HEXB: variants seen among roughly 807,000 people sequenced by gnomAD.
The protein encoded by HEXB is beta-hexosaminidase subunit beta.
HEXB carries 51 observed loss-of-function variants against 71.2 expected under a neutral mutation model. The ratio of observed to expected loss-of-function variants is 0.72; its 90% CI spans 0.57 to 0.90. HEXB has a LOEUF of 0.90. Among genes scored for constraint, HEXB ranks in the 40% least tolerant of loss-of-function variants. The pLI is 0.00. For synonymous variants in HEXB, 266 were observed against 249.3 expected (o/e 1.07, Z -0.63); for missense variants, 617 against 677.0 (o/e 0.91, Z 0.98).
intron 7 of HEXB, 126 bp downstream of exon 7, chr5:74,713,761 T>G (rs953385676): frequency 8.0e-6 from 6 of 754,050 alleles, no homozygotes; most frequent in African/African-American, 1.7e-5. Flanking sequence ...CCTCCCAGGA[T>G]CAAGCGATTC....
chr5:74,720,591 G>T, intron 12 of HEXB, 52 bp from the exon 13 acceptor site: 1 of 1,598,894 alleles, frequency 6.3e-7, no homozygotes, highest in Non-Finnish European at 8.6e-7. Flanking sequence ...ACACAAAAGT[G>T]CTAAACATAA....
intron 1 of HEXB, among the ~76,000 whole-genome samples, chr5:74,679,821 A>AG (rs1040512947): frequency 2.3e-5 from 3 of 127,838 alleles, no homozygotes; most frequent in African/African-American, 7.8e-5. Flanking sequence ...AAAAAAAAAA[A>AG]AAAAGTATGG....
chr5:74,682,107 C>T (rs1748748384), upstream of HEXB, among the ~76,000 whole-genome samples: 1 of 152,330 alleles, frequency 6.6e-6, no homozygotes, highest in South Asian at 2.1e-4. Flanking sequence ...GCCTGCAATC[C>T]CAGCACTTTG....
intron 1 of HEXB, among the ~76,000 whole-genome samples, chr5:74,674,039 A>G (rs1247842090): frequency 1.3e-5 from 2 of 152,166 alleles, no homozygotes; most frequent in Non-Finnish European, 2.9e-5. Flanking sequence ...TGGAGTTGGC[A>G]TTCAGAAGCA....
intron 2 of HEXB, among the ~76,000 whole-genome samples, chr5:74,691,799 T>C (rs1017470848): frequency 8.5e-5 from 13 of 152,350 alleles, no homozygotes; most frequent in Admixed American, 6.5e-5. Context: ...ATGTCATTTG[T>C]ATATTCACCC....
At position 74,718,356 on chromosome 5, in the gene HEXB, A is replaced by G; in HGVS notation, c.1235A>G (p.Lys412Arg). ...SIVWQEVFDD[K>R]AKLAPGTIVE... is the part of the protein sequence containing the mutation. The stretch of plus-strand genomic sequence containing the variant: ...GTCTGGCAGGAGGTTTTTGATGATA[A>G]AGCAAAGGTGAGCATTGTGAAGACT... Residue 412 changes from lysine (K) to arginine (R), a missense_variant, in exon 10 of 14, where the codon AAA becomes AGA. Coordinates refer to ENST00000261416, the MANE Select transcript of HEXB (RefSeq NM_000521.4). The G allele has an allele frequency of 6.2e-7, 1 of 1,607,858 alleles. No individual in the cohort carries two copies. The highest frequency in any genetic ancestry group is 8.5e-7 in the Non-Finnish European group (1 of 1,174,332).
chr5:74,661,284 AGAACGAGAATGGG>A (rs1186841437), intron 1 of HEXB, among the ~76,000 whole-genome samples: 1 of 152,226 alleles, frequency 6.6e-6, no homozygotes, highest in Non-Finnish European at 1.5e-5. Flanking sequence ...CCTCTGACTG[AGAACGAGAATGGG>A]GTGAAATCAA....
At chr5:74,667,982 T>C (rs1748463927) in intron 1 of HEXB, among the ~76,000 whole-genome samples, 1 of 151,896 alleles carries the variant, frequency 6.6e-6, no homozygotes, top group Non-Finnish European at 1.5e-5. Context: ...CCACAAGGAG[T>C]AAGACTGGGA....
At chr5:74,676,755 A>T (rs1333984046) in intron 1 of HEXB, among the ~76,000 whole-genome samples, 1 of 152,038 alleles carries the variant, frequency 6.6e-6, no homozygotes, top group Non-Finnish European at 1.5e-5. Context: ...GACAGATGAG[A>T]TTCTCTCAAA....
At chr5:74,718,683 G>T in intron 10 of HEXB, 114 bp from the exon 11 acceptor site, 2 of 1,099,472 alleles carry the variant, frequency 1.8e-6, no homozygotes, top group Non-Finnish European at 2.7e-6. Context: ...AGAAAATGCA[G>T]ATTTTTTTTA....
chr5:74,693,439 A>G, intron 2 of HEXB, 200 bp from the exon 3 acceptor site: 1 of 633,948 alleles, frequency 1.6e-6, no homozygotes, highest in Non-Finnish European at 2.9e-6. Flanking sequence ...GAGGGAGGGA[A>G]GAGTTCTGTT....
intron 11 of HEXB, 33 bp from the exon 12 acceptor site, chr5:74,720,395 A>C (rs778884260): frequency 7.0e-7 from 1 of 1,423,400 alleles, no homozygotes; most frequent in Non-Finnish European, 9.9e-7. Context: ...TAAGCTTTGA[A>C]CTTCTGAACT....
At chr5:74,644,883 TG>T (rs2112065333) in intron 1 of HEXB, among the ~76,000 whole-genome samples, 2 of 140,846 alleles carry the variant, frequency 1.4e-5, no homozygotes, top group Admixed American at 1.6e-4. Context: ...GCAATTCTCC[TG>T]CCTCAGCCTC....
intron 6 of HEXB, 112 bp from the exon 7 acceptor site, chr5:74,713,394 G>A: frequency 1.0e-6 from 1 of 974,718 alleles, no homozygotes; most frequent in South Asian, 1.3e-5. Flanking sequence ...CTAATACATT[G>A]TCATAGTGAA....
intron 11 of HEXB, 43 bp from the exon 12 acceptor site, chr5:74,720,385 T>C: frequency 7.4e-7 from 1 of 1,348,822 alleles, no homozygotes; most frequent in Non-Finnish European, 1.1e-6. Context: ...CCTCTGTGTA[T>C]AAGCTTTGAA....
In HEXB at chr5:74,645,399, A is replaced by G. The variant is rs187526729; in HGVS notation, c.-377+4841A>G. 8.5e-5 allele frequency among the ~76,000 whole-genome samples: 13 copies of G among 152,250 alleles called. No homozygotes were observed. The East Asian group carries it at 1.3e-3, about 16-fold the overall frequency. The stretch of plus-strand genomic sequence containing the variant: ...GTATGATTTTTAACTTCAAATTCCA[A>G]TTGTTCACTACTGCTACATATAAAT... On this transcript the variant is annotated intron_variant, in intron 1 of 13. Transcript: ENST00000511181.
chr5:74,642,549 G>A (rs1362876061), intron 1 of HEXB, among the ~76,000 whole-genome samples: 2 of 152,044 alleles, frequency 1.3e-5, no homozygotes, highest in Middle Eastern at 3.2e-3. Flanking sequence ...GCTCATCAAG[G>A]CAGCCACCAA....
intron 1 of HEXB, among the ~76,000 whole-genome samples, chr5:74,651,408 C>T (rs967954486): frequency 6.6e-6 from 1 of 152,176 alleles, no homozygotes. Flanking sequence ...CCTAGTACCT[C>T]ACAAAGAAAT....
chr5:74,701,554 T>A (rs189487519), intron 5 of HEXB, among the ~76,000 whole-genome samples: 1 of 152,166 alleles, frequency 6.6e-6, no homozygotes, highest in Admixed American at 6.5e-5. Context: ...TCATAATCTT[T>A]ACTACTTTAT....
Sources: allele counts gnomAD v4.1 joint callset (sites outside exome capture counted in the v4.1 genomes callset), GRCh38; gene constraint gnomAD v4.1.1; transcripts MANE v1.5; gene names NCBI Gene and HGNC (gene_info 2026-07-23, HGNC 2026-07-21).